Variants in PRR16 observed in about 807,000 individuals in gnomAD.
PRR16 encodes the protein proline rich 16, also known as protein Largen.
In PRR16, 6 loss-of-function variants were observed where a neutral mutation model predicts 18.2. That is an observed-to-expected ratio of 0.33 (90% CI 0.18 to 0.65). The LOEUF (loss-of-function observed/expected upper bound fraction) is 0.65. Ranked by LOEUF, PRR16 falls within the 30% of genes least tolerant of loss-of-function variation. The pLI is 0.74. For synonymous variants in PRR16, 151 were observed against 147.8 expected (o/e 1.02, Z -0.16); for missense variants, 412 against 376.6 (o/e 1.09, Z -0.78).
chr5:120,595,591 G>A (rs1753773906), intron 1 of PRR16, among the ~76,000 whole-genome samples: 1 of 151,820 alleles, frequency 6.6e-6, no homozygotes, highest in Admixed American at 6.6e-5. Context: ...TATATGCTTA[G>A]TACCTGAGTA....
intron 1 of PRR16, among the ~76,000 whole-genome samples, chr5:120,669,329 C>T (rs981213854): frequency 6.6e-6 from 1 of 151,960 alleles, no homozygotes; most frequent in Non-Finnish European, 1.5e-5. Flanking sequence ...ACCATAGTTC[C>T]CTGCTTGATG....
chr5:120,737,143 G>A, the PRR16 span, among the ~76,000 whole-genome samples: 5 of 152,040 alleles, frequency 3.3e-5, no homozygotes, highest in East Asian at 1.9e-4. Flanking sequence ...AAGACTTCCA[G>A]TACTATGCTG....
chr5:120,523,073 G>T (rs1455693101), intron 1 of PRR16, among the ~76,000 whole-genome samples: 1 of 152,090 alleles, frequency 6.6e-6, no homozygotes, highest in Non-Finnish European at 1.5e-5. Context: ...TGTATCCCAG[G>T]CTCTAAGATT....
intron 1 of PRR16, among the ~76,000 whole-genome samples, chr5:120,657,114 T>G (rs1756006681): frequency 6.6e-6 from 1 of 152,022 alleles, no homozygotes; most frequent in Non-Finnish European, 1.5e-5. Context: ...TTCTTTTAAC[T>G]TGCTGAGTTC....
intron 1 of PRR16, among the ~76,000 whole-genome samples, chr5:120,673,887 G>C (rs963187468): frequency 6.6e-6 from 1 of 151,710 alleles, no homozygotes; most frequent in Non-Finnish European, 1.5e-5. Flanking sequence ...CCTAGGAGGC[G>C]GTGGCTACAG....
chr5:120,493,862 A>G (rs1364841453), intron 1 of PRR16, among the ~76,000 whole-genome samples: 3 of 152,066 alleles, frequency 2.0e-5, no homozygotes, highest in Non-Finnish European at 4.4e-5. Context: ...ATGTGTATCT[A>G]TGGTTTATTC....
chr5:120,761,960 G>C, the PRR16 span, among the ~76,000 whole-genome samples: 1 of 151,952 alleles, frequency 6.6e-6, no homozygotes, highest in Non-Finnish European at 1.5e-5. Flanking sequence ...ATATATGAGC[G>C]AAAATATGCA....
chr5:120,571,591 G>C (rs1752909089), intron 1 of PRR16, among the ~76,000 whole-genome samples: 1 of 152,074 alleles, frequency 6.6e-6, no homozygotes, highest in African/African-American at 2.4e-5. Flanking sequence ...GATTTGTAAA[G>C]AGAATGGAGA....
chr5:120,592,733 A>G (rs1228638005), intron 1 of PRR16, among the ~76,000 whole-genome samples: 1 of 152,140 alleles, frequency 6.6e-6, no homozygotes, highest in East Asian at 1.9e-4. Flanking sequence ...TTTAGATTTC[A>G]TAATAATGGT....
At chr5:120,512,087 CAA>C (rs1410524323) in intron 1 of PRR16, among the ~76,000 whole-genome samples, 2 of 152,314 alleles carry the variant, frequency 1.3e-5, no homozygotes, top group East Asian at 3.9e-4. Context: ...TGGAGTTTCA[CAA>C]ACTTTCCCTA....
At chr5:120,753,256 A>G in the PRR16 span, among the ~76,000 whole-genome samples, 1 of 152,032 alleles carries the variant, frequency 6.6e-6, no homozygotes, top group Non-Finnish European at 1.5e-5. Flanking sequence ...TTTGAATCTG[A>G]CAATCAGTCA....
chr5:120,643,354 T>G (rs1218527692), intron 1 of PRR16, among the ~76,000 whole-genome samples: 1 of 152,126 alleles, frequency 6.6e-6, no homozygotes, highest in Non-Finnish European at 1.5e-5. Context: ...ATCTCTACAT[T>G]GTTGTACTTT....
chr5:120,618,532 A>G lies in PRR16; in HGVS notation c.160-67422A>G, dbSNP rs576463836. ...AGGGAATGGTATTTGGAATTTAGCT[A>G]TATTTATCTTCTCAATCAAATTCTA... On this transcript the variant is annotated intron_variant, in intron 1 of 1. Transcript: ENST00000407149. 2.8e-4 allele frequency: 272 copies of G among 955,858 alleles called. 1 individual carries two copies. In the Middle Eastern group the frequency reaches 5.4e-3, roughly 19 times the overall value. The allele number at this position is 955,858 out of a possible 1,614,324, so 59.2% of individuals were successfully genotyped here. A position where few individuals can be genotyped will look rare whatever the true frequency, so the allele number is the denominator to read the frequency against.
At chr5:120,616,932 C>T (rs1754529776) in intron 1 of PRR16, among the ~76,000 whole-genome samples, 1 of 152,154 alleles carries the variant, frequency 6.6e-6, no homozygotes, top group South Asian at 2.1e-4. Context: ...TGTGTTCACT[C>T]TTCTCTTCCA....
chr5:120,632,181 A>G (rs944285627), intron 1 of PRR16, among the ~76,000 whole-genome samples: 11 of 150,720 alleles, frequency 7.3e-5, no homozygotes, highest in Admixed American at 2.6e-4. Context: ...TCCTAGGGGA[A>G]GAGAGAGAAC....
At chr5:120,790,067 C>T in the PRR16 span, 1 of 152,116 alleles carries the variant, frequency 6.6e-6, no homozygotes, top group Non-Finnish European at 1.5e-5. Context: ...TAACCAGAAG[C>T]CTGGCCATCT....
chr5:120,754,664 C>G, the PRR16 span, among the ~76,000 whole-genome samples: 2 of 129,256 alleles, frequency 1.5e-5, no homozygotes, highest in Non-Finnish European at 3.2e-5. Flanking sequence ...ATATATTAAG[C>G]AGAATATTTT....
At chr5:120,720,056 T>A in the PRR16 span, among the ~76,000 whole-genome samples, 1 of 151,940 alleles carries the variant, frequency 6.6e-6, no homozygotes. Context: ...AGAGCACACA[T>A]TTATTGTATA....
the PRR16 span, among the ~76,000 whole-genome samples, chr5:120,693,787 A>G: frequency 1.3e-5 from 2 of 152,062 alleles, no homozygotes; most frequent in South Asian, 4.2e-4. Context: ...TGTTTCCTTT[A>G]TTTACTCAAA....
Sources: allele counts gnomAD v4.1 joint callset (sites outside exome capture counted in the v4.1 genomes callset), GRCh38; gene constraint gnomAD v4.1.1; transcripts MANE v1.5; gene names NCBI Gene and HGNC (gene_info 2026-07-23, HGNC 2026-07-21).